The following SCAPER variants were observed in gnomAD, a reference collection of about 807,000 sequenced individuals.
The protein encoded by SCAPER is S-phase cyclin A associated protein in the ER.
In SCAPER, 98 loss-of-function variants were observed where a neutral mutation model predicts 182.2. The observed-to-expected ratio is 0.54, with a 90% CI of 0.46 to 0.64. SCAPER has a LOEUF of 0.64. Ranked by LOEUF, SCAPER falls within the 30% of genes least tolerant of loss-of-function variation. The probability of loss-of-function intolerance (pLI) is 0.00; values close to 1 mark genes in which losing one functional copy is unlikely to be tolerated. For synonymous variants in SCAPER, 605 were observed against 564.6 expected (o/e 1.07, Z -1.01); for missense variants, 1,432 against 1,690.0 (o/e 0.85, Z 2.68).
chr15:76,657,585 C>T (rs112426644), intron 21 of SCAPER, among the ~76,000 whole-genome samples: 4,561 of 36,402 alleles, frequency 0.13, 102 homozygotes, highest in Non-Finnish European at 0.22. Context: ...AGAGACACAA[C>T]AACAAAAAAA....
chr15:76,857,500 C>A (rs1419324318), intron 4 of SCAPER, among the ~76,000 whole-genome samples: 1 of 151,334 alleles, frequency 6.6e-6, no homozygotes, highest in Admixed American at 6.6e-5. Flanking sequence ...CTGGCTGTGT[C>A]ATTTACTAGC....
chr15:76,643,731 C>T (rs2054302724), intron 21 of SCAPER, among the ~76,000 whole-genome samples: 1 of 152,148 alleles, frequency 6.6e-6, no homozygotes, highest in African/African-American at 2.4e-5. Context: ...AAGCTATCCT[C>T]ATTTGTAACA....
At chr15:76,631,959 G>A (rs991857334) in intron 21 of SCAPER, among the ~76,000 whole-genome samples, 1 of 152,092 alleles carries the variant, frequency 6.6e-6, no homozygotes, top group Non-Finnish European at 1.5e-5. Flanking sequence ...CAGTCCCATA[G>A]TTCTCAGAGG....
At chr15:76,518,336 C>A (rs892566018) in intron 23 of SCAPER, among the ~76,000 whole-genome samples, 1 of 152,148 alleles carries the variant, frequency 6.6e-6, no homozygotes, top group Non-Finnish European at 1.5e-5. Flanking sequence ...CTTTAGAGTA[C>A]GCCTTTTCCA....
chr15:76,801,781 G>T (rs185101132), intron 6 of SCAPER, among the ~76,000 whole-genome samples: 2 of 152,044 alleles, frequency 1.3e-5, no homozygotes, highest in African/African-American at 4.8e-5. Context: ...TTAGCTGGGC[G>T]TGGTGGCGGG....
chr15:76,806,741 T>C (rs1472699210), intron 5 of SCAPER, among the ~76,000 whole-genome samples: 2 of 152,230 alleles, frequency 1.3e-5, no homozygotes, highest in African/African-American at 4.8e-5. Context: ...TCGTAGTTTC[T>C]TTCAATTATA....
chr15:76,585,273 T>C (rs775223412), intron 22 of SCAPER, among the ~76,000 whole-genome samples: 1 of 152,154 alleles, frequency 6.6e-6, no homozygotes, highest in Non-Finnish European at 1.5e-5. Flanking sequence ...TCGACTATTA[T>C]TACTGTTCAC....
chr15:76,395,005 A>G (rs942599030), intron 27 of SCAPER, among the ~76,000 whole-genome samples: 1 of 150,004 alleles, frequency 6.7e-6, no homozygotes, highest in African/African-American at 2.5e-5. Flanking sequence ...CCCACCCACT[A>G]CCCTTCCCAG....
At chr15:76,758,063 T>C (rs2062555768) in intron 14 of SCAPER, among the ~76,000 whole-genome samples, 2 of 152,204 alleles carry the variant, frequency 1.3e-5, no homozygotes, top group East Asian at 1.9e-4. Context: ...ATTTTGATAA[T>C]TTTTTCATTT....
intron 25 of SCAPER, among the ~76,000 whole-genome samples, chr15:76,451,965 C>T (rs1012145395): frequency 6.6e-6 from 1 of 152,168 alleles, no homozygotes; most frequent in South Asian, 2.1e-4. Flanking sequence ...CACATACCCC[C>T]ACACCTGATC....
At chr15:76,868,942 G>C (rs1023467944) in intron 2 of SCAPER, among the ~76,000 whole-genome samples, 1 of 152,088 alleles carries the variant, frequency 6.6e-6, no homozygotes, top group African/African-American at 2.4e-5. Context: ...ACAGAATAGA[G>C]AACCCAGAGA....
chr15:76,707,502 G>A (rs1386167924), intron 17 of SCAPER, among the ~76,000 whole-genome samples: 4 of 151,976 alleles, frequency 2.6e-5, no homozygotes, highest in Non-Finnish European at 4.4e-5. Flanking sequence ...ATTAATACAA[G>A]AAATATTTTT....
intron 19 of SCAPER, among the ~76,000 whole-genome samples, chr15:76,702,588 C>A (rs1220040042): frequency 6.6e-6 from 1 of 152,078 alleles, no homozygotes; most frequent in Admixed American, 6.5e-5. Flanking sequence ...CCTGGGATTA[C>A]AGACATGCAC....
At chr15:76,722,111 A>G (rs113765767) in intron 17 of SCAPER, among the ~76,000 whole-genome samples, 1 of 152,116 alleles carries the variant, frequency 6.6e-6, no homozygotes, top group Admixed American at 6.5e-5. Flanking sequence ...ATCAATACCT[A>G]ATTTATTGAG....
intron 11 of SCAPER, 118 bp downstream of exon 11, chr15:76,766,800 G>A: frequency 2.5e-6 from 2 of 802,218 alleles, no homozygotes; most frequent in South Asian, 2.1e-5. Flanking sequence ...TACTGAACAT[G>A]ATTTTTAAAT....
At chr15:76,796,232 G>A (rs142319766) in intron 7 of SCAPER, among the ~76,000 whole-genome samples, 72 of 152,142 alleles carry the variant, frequency 4.7e-4, no homozygotes, top group African/African-American at 1.6e-3. Context: ...ATTCAGTGAT[G>A]TCTATTATAT....
chr15:76,849,327 G>A (rs748083638), intron 4 of SCAPER, among the ~76,000 whole-genome samples: 9 of 152,084 alleles, frequency 5.9e-5, no homozygotes, highest in Non-Finnish European at 8.8e-5. Context: ...ACAAAGAAAC[G>A]AAGACCCAAA....
At chr15:76,561,866 A>G (rs2046658196) in intron 23 of SCAPER, among the ~76,000 whole-genome samples, 1 of 149,482 alleles carries the variant, frequency 6.7e-6, no homozygotes, top group Admixed American at 6.7e-5. Context: ...GGCAGAGGCC[A>G]GGTGCGGGGT....
At chr15:76,843,525 G>GT (rs1471404596) in intron 4 of SCAPER, among the ~76,000 whole-genome samples, 1 of 152,138 alleles carries the variant, frequency 6.6e-6, no homozygotes, top group Non-Finnish European at 1.5e-5. Context: ...CTAGCAAACA[G>GT]TAAGTGCCCA....
Sources: allele counts gnomAD v4.1 joint callset (sites outside exome capture counted in the v4.1 genomes callset), GRCh38; gene constraint gnomAD v4.1.1; transcripts MANE v1.5; gene names NCBI Gene and HGNC (gene_info 2026-07-23, HGNC 2026-07-21).